The following FREM1 variants were observed in gnomAD, a reference collection of about 807,000 sequenced individuals.
FREM1 encodes the protein FRAS1 related extracellular matrix 1, also known as FRAS1-related extracellular matrix protein 1.
Under a neutral mutation model 210.1 loss-of-function variants are expected in FREM1, and 220 were observed. The observed-to-expected ratio is 1.05, with a 90% CI of 0.94 to 1.17. The LOEUF (loss-of-function observed/expected upper bound fraction) is 1.17. FREM1 is among the 50% of genes most tolerant of loss of function. The probability of loss-of-function intolerance (pLI) is 0.00; values close to 1 mark genes in which losing one functional copy is unlikely to be tolerated. For missense variants in FREM1, 3,454 were observed against 2,675.5 expected, an observed-to-expected ratio of 1.29 and a Z score of -6.42; for synonymous variants, 1,189 against 980.2, an observed-to-expected ratio of 1.21 and a Z score of -3.98.
At position 14,861,240 on chromosome 9, in the gene FREM1, C is replaced by CATATAT. The variant is rs1397237844; in HGVS notation, c.330-1757_330-1756insATATAT. Among the ~76,000 whole-genome samples the CATATAT allele has an allele frequency of 4.8e-3, 259 of 53,720 alleles. 47 individuals are homozygous for CATATAT. The highest frequency in any genetic ancestry group is 0.031 in the African/African-American group (242 of 7,798). 35.2% of individuals were successfully genotyped at this position (53,720 alleles called of 152,430 possible). A position where few individuals can be genotyped will look rare whatever the true frequency, so the allele number is the denominator to read the frequency against. ...ATATACACATATATACACATATATA[C>CATATAT]ACACATATATACATATATACACATA... is the stretch of plus-strand genomic sequence containing the variant. On this transcript the variant is annotated intron_variant, in intron 3 of 36. Transcript: ENST00000380880.
chr9:14,892,021 ACTT>A (rs1045303375), intron 1 of FREM1, among the ~76,000 whole-genome samples: 44 of 152,214 alleles, frequency 2.9e-4, no homozygotes, highest in African/African-American at 9.6e-4. Context: ...ACTTGCTTTC[ACTT>A]TACTCTATGG....
At chr9:14,824,272 G>A (rs1007838124) in intron 11 of FREM1, among the ~76,000 whole-genome samples, 157 bp from the exon 12 acceptor site, 2 of 152,172 alleles carry the variant, frequency 1.3e-5, no homozygotes, top group African/African-American at 4.8e-5. Context: ...CTAGCATTAA[G>A]TCCAGTTTCA....
chr9:14,899,013 C>A (rs1564197495), intron 1 of FREM1, among the ~76,000 whole-genome samples: 1 of 152,172 alleles, frequency 6.6e-6, no homozygotes, highest in Non-Finnish European at 1.5e-5. Flanking sequence ...TTTTGACATG[C>A]CTCATGGTTC....
At chr9:14,841,856 C>G (rs1362156054) in intron 9 of FREM1, among the ~76,000 whole-genome samples, 1 of 152,098 alleles carries the variant, frequency 6.6e-6, no homozygotes, top group Non-Finnish European at 1.5e-5. Context: ...ACTCTTATTT[C>G]AAATATACAA....
intron 13 of FREM1, among the ~76,000 whole-genome samples, chr9:14,821,990 C>CCA (rs1316314407): frequency 6.6e-6 from 1 of 152,148 alleles, no homozygotes; most frequent in African/African-American, 2.4e-5. Context: ...AAGGATGGGG[C>CCA]CAGGTGGAGA....
chr9:14,832,506 G>A (rs1379436320), intron 10 of FREM1, among the ~76,000 whole-genome samples: 2 of 152,196 alleles, frequency 1.3e-5, no homozygotes, highest in Non-Finnish European at 2.9e-5. Context: ...ATTCCCAATA[G>A]GAAGAGAGGC....
chr9:14,861,495 C>T (rs992422812), intron 3 of FREM1, among the ~76,000 whole-genome samples: 3 of 146,098 alleles, frequency 2.1e-5, no homozygotes, highest in Non-Finnish European at 4.5e-5. Context: ...TTCCCTCAAG[C>T]ATTTATCCTT....
chr9:14,892,968 C>A (rs1837113306), intron 1 of FREM1, among the ~76,000 whole-genome samples: 2 of 152,134 alleles, frequency 1.3e-5, no homozygotes, highest in South Asian at 2.1e-4. Flanking sequence ...ACGTTTGAGC[C>A]TTGTCAGTTT....
In FREM1 at chr9:14,842,383, G is replaced by C. The variant is rs979274812; in HGVS notation, c.1671C>G (p.Ile557Met). Residue 557 changes from isoleucine (I) to methionine (M), a missense_variant, in exon 9 of 37, where the codon ATC becomes ATG. Transcript: ENST00000380880. ...ASDVDASDDY[I>M]FFNITKPPQA... ...GTGGAGGCTTTGTGATATTGAAGAA[G>C]ATGTAGTCATCACTGGCGTCCACAT... 6.2e-7 allele frequency: 1 copy of C among 1,612,620 alleles called. No individual in the cohort carries two copies. The highest frequency in any genetic ancestry group is 8.5e-7 in the Non-Finnish European group (1 of 1,178,842).
intron 15 of FREM1, among the ~76,000 whole-genome samples, chr9:14,815,974 T>A (rs1326977377): frequency 6.6e-6 from 1 of 152,090 alleles, no homozygotes; most frequent in South Asian, 2.1e-4. Flanking sequence ...GTGCAGATTT[T>A]TCATTTGTCA....
At chr9:14,768,486 G>T (rs1846881013) in intron 27 of FREM1, among the ~76,000 whole-genome samples, 1 of 152,040 alleles carries the variant, frequency 6.6e-6, no homozygotes, top group African/African-American at 2.4e-5. Flanking sequence ...GTAATCTCGA[G>T]ATTACATTTT....
intron 10 of FREM1, among the ~76,000 whole-genome samples, chr9:14,837,133 C>T (rs1000522856): frequency 6.6e-6 from 1 of 152,178 alleles, no homozygotes; most frequent in African/African-American, 2.4e-5. Context: ...CACATATCCC[C>T]ACATGTGTAG....
chr9:14,812,247 T>G (rs1819532520), intron 16 of FREM1, among the ~76,000 whole-genome samples: 1 of 152,184 alleles, frequency 6.6e-6, no homozygotes, highest in South Asian at 2.1e-4. Flanking sequence ...GGTGACAACA[T>G]AAAGCAATGC....
rs139028576 is a variant in FREM1 at position 14,866,946 on chromosome 9, G to A, written c.234+1798C>T. On this transcript the variant is annotated intron_variant, in intron 2 of 36. Transcript: ENST00000380880. ...ACTATCTTGGCTCACTGCAACTTCC[G>A]CCTCCCGGGTTCAAGCGATTCTTGT... 4.0e-3 allele frequency among the ~76,000 whole-genome samples: 613 copies of A among 151,724 alleles called. 4 individuals carry two copies. Among genetic ancestry groups the A allele is most frequent in the African/African-American group, 0.014 (577 of 41,356 alleles).
At position 14,788,909 on chromosome 9, in the gene FREM1, G is replaced by A. The variant is rs762295578; in HGVS notation, c.4177+10C>T. 15 of 1,606,008 alleles carry A rather than the reference G, an allele frequency of 9.3e-6. No homozygotes were observed. The highest frequency in any genetic ancestry group is 6.7e-5 in the East Asian group (3 of 44,728). On this transcript the variant is annotated intron_variant, in intron 23 of 36. Coordinates refer to ENST00000380880, the MANE Select transcript of FREM1 (RefSeq NM_001379081.2). The stretch of plus-strand genomic sequence containing the variant: ...TTGATCCCAGTAAACCTTGGTAGAC[G>A]TGCTTTTACCTTTTTCCATGTCCTT...
At chr9:14,851,734 C>T in intron 5 of FREM1, 127 bp from the exon 6 acceptor site, 3 of 786,604 alleles carry the variant, frequency 3.8e-6, no homozygotes, top group Non-Finnish European at 6.5e-6. Context: ...AGCCTGGCTG[C>T]ATATTGGAAT....
At chr9:14,896,544 C>CAAAAA (rs59464900) in intron 1 of FREM1, among the ~76,000 whole-genome samples, 1 of 82,632 alleles carries the variant, frequency 1.2e-5, no homozygotes, top group African/African-American at 4.2e-5. Context: ...GACTCCATCT[C>CAAAAA]AAAAAAAAAA....
intron 3 of FREM1, among the ~76,000 whole-genome samples, chr9:14,859,939 C>T (rs1829501360): frequency 6.6e-6 from 1 of 152,132 alleles, no homozygotes; most frequent in Non-Finnish European, 1.5e-5. Context: ...AGTTTGGGTG[C>T]CCAGCTCAGT....
At chr9:14,755,805 G>C (rs1313481151) in intron 29 of FREM1, among the ~76,000 whole-genome samples, 2 of 152,216 alleles carry the variant, frequency 1.3e-5, no homozygotes, top group African/African-American at 4.8e-5. Flanking sequence ...ATTCTTGTCT[G>C]TGTTTCTCAC....
Sources: allele counts gnomAD v4.1 joint callset (sites outside exome capture counted in the v4.1 genomes callset), GRCh38; gene constraint gnomAD v4.1.1; transcripts MANE v1.5; gene names NCBI Gene and HGNC (gene_info 2026-07-23, HGNC 2026-07-21).